The following RBFOX1 variants were observed in gnomAD, a reference collection of about 807,000 sequenced individuals.
RBFOX1 encodes RNA binding protein fox-1 homolog 1.
A neutral mutation model predicts 57.7 loss-of-function variants in RBFOX1; 8 were observed. That is an observed-to-expected ratio of 0.14 (90% confidence interval 0.08 to 0.25). RBFOX1 has a LOEUF of 0.25. RBFOX1 is among the 10% of genes least tolerant of loss of function. RBFOX1 has a pLI of 1.00. For missense variants in RBFOX1, 611 were observed against 548.5 expected (o/e 1.11, Z -1.14); for synonymous variants, 326 against 222.4 (o/e 1.47, Z -4.15).
chr16:5,591,995 C>G, intron 2 of RBFOX1, among the ~76,000 whole-genome samples: 1 of 152,200 alleles, frequency 6.6e-6, no homozygotes, highest in East Asian at 1.9e-4. Flanking sequence ...AATTTCCATG[C>G]TTTATTCAAA....
chr16:6,115,345 A>T (rs1254510990), intron 1 of RBFOX1, among the ~76,000 whole-genome samples: 1 of 152,206 alleles, frequency 6.6e-6, no homozygotes. Flanking sequence ...CTTGCATAGG[A>T]TTGCATGCTT....
At chr16:6,360,322 C>G (rs367691366) in intron 2 of RBFOX1, among the ~76,000 whole-genome samples, 2 of 151,934 alleles carry the variant, frequency 1.3e-5, no homozygotes, top group African/African-American at 4.8e-5. Context: ...GCAAGAAAAA[C>G]TTGGACTGTT....
In RBFOX1 at chr16:5,827,497, G is replaced by A. The variant is rs1301130528; in HGVS notation, c.319-39806G>A. Among the ~76,000 whole-genome samples the A allele has an allele frequency of 2.0e-5, 3 of 150,914 alleles. No individual in the cohort carries two copies. In the East Asian group the frequency reaches 5.9e-4, roughly 29 times the overall value. ...TTGAAGACAACTCTCTATGCACCCC[G>A]AGAACTCCCTCCCTCTACATCAAGA... On this transcript the variant is annotated intron_variant, in intron 3 of 19. Transcript: ENST00000641259.
chr16:7,201,397 G>A (rs1602856715), intron 4 of RBFOX1, among the ~76,000 whole-genome samples: 2 of 152,190 alleles, frequency 1.3e-5, no homozygotes, highest in Admixed American at 1.3e-4. Context: ...TTCTATTCTG[G>A]CTGAGGCAGG....
intron 4 of RBFOX1, among the ~76,000 whole-genome samples, chr16:7,273,843 C>T (rs968722820): frequency 6.6e-6 from 1 of 152,188 alleles, no homozygotes; most frequent in African/African-American, 2.4e-5. Context: ...TTCTCTCTTT[C>T]TGTCTGCTAC....
Position 6,019,691 on chromosome 16 carries a change from T to A in RBFOX1, c.-428T>A. On this transcript the variant is annotated 5_prime_UTR_variant, in exon 1 of 16. Transcript: ENST00000550418. This position sits in a 1 kb window ranked among gnomAD's most constrained non-coding sequence, Gnocchi z 4.2. ...GTCCGGAGCAGGAGAACTCCGAGCT[T>A]CTTGCCCAGGCAGAGAGAGCAGGAG... The A allele has an allele frequency of 7.5e-7, 1 of 1,338,194 alleles. No homozygotes were observed. The highest frequency in any genetic ancestry group is 9.6e-7 in the Non-Finnish European group (1 of 1,044,722). The allele number at this position is 1,338,194 out of a possible 1,614,324, so 82.9% of individuals were successfully genotyped here. A position where few individuals can be genotyped will look rare whatever the true frequency, so the allele number is the denominator to read the frequency against.
intron 4 of RBFOX1, among the ~76,000 whole-genome samples, chr16:7,170,082 T>A (rs190888119): frequency 6.6e-6 from 1 of 152,128 alleles, no homozygotes; most frequent in African/African-American, 2.4e-5. Context: ...TCAAAATAAA[T>A]AAATAAATAA....
chr16:7,694,231 T>C lies in RBFOX1; in HGVS notation c.996-14825T>C, dbSNP rs17767628. Among the ~76,000 whole-genome samples the C allele has an allele frequency of 5.6e-3, 860 of 152,308 alleles. 4 individuals carry two copies. Among genetic ancestry groups the C allele is most frequent in the South Asian group, 0.025 (120 of 4,822 alleles). ...CTGCGAGGGAGGACGTTACAACTTA[T>C]CACTACATAACTGAGCATCCCATGA... On this transcript the variant is annotated intron_variant, in intron 14 of 15. Coordinates refer to ENST00000550418, the MANE Select transcript of RBFOX1 (RefSeq NM_018723.4).
intron 2 of RBFOX1, among the ~76,000 whole-genome samples, chr16:6,370,782 T>A (rs2090321150): frequency 3.3e-5 from 5 of 152,232 alleles, no homozygotes; most frequent in Admixed American, 3.3e-4. Context: ...AGAATGCAAA[T>A]GTTCTTAATG....
intron 4 of RBFOX1, among the ~76,000 whole-genome samples, chr16:7,107,154 G>A (rs1448733066): frequency 1.3e-5 from 2 of 152,120 alleles, no homozygotes; most frequent in Non-Finnish European, 2.9e-5. Flanking sequence ...TTGTATCCAG[G>A]GAGAACAGAA....
At chr16:7,098,715 T>G (rs2151300410) in intron 4 of RBFOX1, among the ~76,000 whole-genome samples, 1 of 152,186 alleles carries the variant, frequency 6.6e-6, no homozygotes, top group South Asian at 2.1e-4. Context: ...TTTTGGAAAC[T>G]GAGGCAGGAG....
intron 4 of RBFOX1, among the ~76,000 whole-genome samples, chr16:7,401,279 A>C (rs2098238708): frequency 6.6e-6 from 1 of 152,252 alleles, no homozygotes; most frequent in Non-Finnish European, 1.5e-5. Context: ...ATATAGAGAA[A>C]AAGGTGAAGC....
At chr16:7,128,118 T>C (rs2069105288) in intron 4 of RBFOX1, among the ~76,000 whole-genome samples, 1 of 152,182 alleles carries the variant, frequency 6.6e-6, no homozygotes, top group Non-Finnish European at 1.5e-5. Flanking sequence ...TTCTATGAAA[T>C]GGACAGCCCT....
chr16:6,186,867 C>T (rs2097108666), intron 1 of RBFOX1, among the ~76,000 whole-genome samples: 2 of 152,192 alleles, frequency 1.3e-5, no homozygotes, highest in Admixed American at 1.3e-4. Context: ...TAGGGTCACA[C>T]TGGTGAACAA....
At chr16:7,136,548 A>G (rs376379613) in intron 4 of RBFOX1, among the ~76,000 whole-genome samples, 2 of 151,990 alleles carry the variant, frequency 1.3e-5, no homozygotes, top group East Asian at 3.9e-4. Flanking sequence ...CTGGGATTAC[A>G]GGTGCACGCC....
chr16:5,557,638 G>A (rs1352636595), intron 2 of RBFOX1, among the ~76,000 whole-genome samples: 1 of 152,156 alleles, frequency 6.6e-6, no homozygotes, highest in East Asian at 1.9e-4. Flanking sequence ...ATGTGCAAAG[G>A]CCCTGAGGCA....
At position 6,941,119 on chromosome 16, in the gene RBFOX1, A is replaced by G. The variant is rs539476392; in HGVS notation, c.-15-110938A>G. On this transcript the variant is annotated intron_variant, in intron 3 of 15. Coordinates refer to ENST00000550418, the MANE Select transcript of RBFOX1 (RefSeq NM_018723.4). ...AGGAAAGAGTCTTAGTTGGAATTTC[A>G]TTTCAAGTCTACTGGGATATGGAGG... Among the ~76,000 whole-genome samples the G allele has an allele frequency of 3.9e-5, 6 of 152,096 alleles. No homozygotes were observed. In the South Asian group the frequency reaches 1.0e-3, roughly 26 times the overall value.
At chr16:7,411,221 C>T (rs1049202528) in intron 4 of RBFOX1, among the ~76,000 whole-genome samples, 2 of 131,138 alleles carry the variant, frequency 1.5e-5, no homozygotes, top group Admixed American at 8.4e-5. Context: ...GCTGGGATTA[C>T]AGCCACCACA....
chr16:5,651,966 C>G lies in RBFOX1; in HGVS notation c.318+53005C>G, dbSNP rs746946682. Among the ~76,000 whole-genome samples, 5 of 152,208 alleles carry G rather than the reference C, an allele frequency of 3.3e-5. 1 individual carries two copies. In the Middle Eastern group the frequency reaches 0.017, roughly 518 times the overall value. The stretch of plus-strand genomic sequence containing the variant: ...TGGCCAACATGGAGAAACCCCATTT[C>G]TACTAAAGAAAGAAAAAAATAGCCG... On this transcript the variant is annotated intron_variant, in intron 3 of 19. Coordinates refer to the RBFOX1 transcript ENST00000641259.
Sources: allele counts gnomAD v4.1 joint callset (sites outside exome capture counted in the v4.1 genomes callset), GRCh38; gene constraint gnomAD v4.1.1; non-coding constraint Gnocchi (gnomAD v3.1); transcripts MANE v1.5; gene names NCBI Gene and HGNC (gene_info 2026-07-23, HGNC 2026-07-21).